Variants in RPTOR observed in about 807,000 individuals in gnomAD.
RPTOR encodes regulatory associated protein of MTOR complex 1.
In RPTOR, 21 loss-of-function variants were observed where a neutral mutation model predicts 169.9. The observed-to-expected ratio is 0.12, with a 90% confidence interval of 0.09 to 0.18. The LOEUF (loss-of-function observed/expected upper bound fraction) is 0.18, where lower values mean the gene tolerates loss of function less well. Among genes scored for constraint, RPTOR ranks in the 10% least tolerant of loss-of-function variants. The pLI, the probability that RPTOR is intolerant of heterozygous loss-of-function variation, is 1.00. For synonymous variants in RPTOR, 732 were observed against 753.2 expected (o/e 0.97, Z 0.46); for missense variants, 1,133 against 1,855.9 (o/e 0.61, Z 7.16).
intron 7 of RPTOR, among the ~76,000 whole-genome samples, chr17:80,815,677 G>A (rs1232979376): frequency 2.0e-5 from 3 of 152,252 alleles, no homozygotes; most frequent in African/African-American, 7.2e-5. Flanking sequence ...TAGCTACACA[G>A]AAAATTAACA....
chr17:80,778,793 G>C (rs2066913344), intron 6 of RPTOR, among the ~76,000 whole-genome samples: 1 of 152,192 alleles, frequency 6.6e-6, no homozygotes, highest in South Asian at 2.1e-4. Flanking sequence ...AGTGGGGCAA[G>C]ACCTGGTCTC....
Position 80,721,798 on chromosome 17 carries a change from A to G in RPTOR, c.508-8762A>G, listed in dbSNP as rs2066289204. On this transcript the variant is annotated intron_variant, in intron 4 of 33. Transcript: ENST00000306801. The surrounding 1 kb of genome is among the most constrained non-coding windows in gnomAD (Gnocchi z 4.7). Reference sequence around the variant, plus strand: ...TATTAATAGGCTTAAGATAGCCAGAAGGACATTTCTGCTAGAAAGTTATTG... The same window carrying G: ...TATTAATAGGCTTAAGATAGCCAGAGGGACATTTCTGCTAGAAAGTTATTG... Among the ~76,000 whole-genome samples, 2 of 151,336 alleles carry G rather than the reference A, an allele frequency of 1.3e-5. No individual in the cohort carries two copies. Among genetic ancestry groups the G allele is most frequent in the African/African-American group, 4.9e-5 (2 of 40,600 alleles).
intron 1 of RPTOR, among the ~76,000 whole-genome samples, chr17:80,607,199 A>T (rs1294816600): frequency 6.6e-6 from 1 of 152,052 alleles, no homozygotes; most frequent in Non-Finnish European, 1.5e-5. Flanking sequence ...TCAGCCTCCT[A>T]AAGTGCTGGG....
intron 1 of RPTOR, among the ~76,000 whole-genome samples, chr17:80,620,387 A>C (rs1020002178): frequency 2.6e-5 from 4 of 152,218 alleles, no homozygotes; most frequent in African/African-American, 9.6e-5. Flanking sequence ...AACATTAATC[A>C]AGAGTTTTTG....
At chr17:80,856,353 A>G (rs988079568) in intron 12 of RPTOR, among the ~76,000 whole-genome samples, 27 of 152,356 alleles carry the variant, frequency 1.8e-4, no homozygotes, top group African/African-American at 5.5e-4. Context: ...ATGAAATCAC[A>G]TGACATATGA....
At chr17:80,808,125 T>G (rs1302679274) in intron 7 of RPTOR, among the ~76,000 whole-genome samples, 1 of 136,992 alleles carries the variant, frequency 7.3e-6, no homozygotes, top group Non-Finnish European at 1.6e-5. Flanking sequence ...TAAGACCCTA[T>G]CTCTACCAAA....
At chr17:80,715,601 T>C (rs2066233020) in intron 4 of RPTOR, among the ~76,000 whole-genome samples, 1 of 150,954 alleles carries the variant, frequency 6.6e-6, no homozygotes, top group South Asian at 2.1e-4. Flanking sequence ...TTTTTTTCAA[T>C]TTTTTATTTT....
At chr17:80,743,592 A>T (rs1445069084) in intron 5 of RPTOR, among the ~76,000 whole-genome samples, 1 of 152,070 alleles carries the variant, frequency 6.6e-6, no homozygotes, top group Non-Finnish European at 1.5e-5. Flanking sequence ...CAAATCATAA[A>T]GCCAAGTAGT....
intron 28 of RPTOR, among the ~76,000 whole-genome samples, chr17:80,950,211 C>T (rs2069156577): frequency 6.6e-6 from 1 of 152,236 alleles, no homozygotes; most frequent in Non-Finnish European, 1.5e-5. Flanking sequence ...CATCGCTCTT[C>T]AGCGGATCCT....
chr17:80,740,417 T>A (rs1334916245), intron 5 of RPTOR, among the ~76,000 whole-genome samples: 1 of 152,154 alleles, frequency 6.6e-6, no homozygotes, highest in Non-Finnish European at 1.5e-5. Flanking sequence ...TTCAACTCAT[T>A]TTATGAGGCC....
intron 20 of RPTOR, among the ~76,000 whole-genome samples, chr17:80,900,885 A>G (rs1471597886): frequency 1.3e-5 from 2 of 152,226 alleles, no homozygotes; most frequent in African/African-American, 4.8e-5. Flanking sequence ...TCACCATGGC[A>G]CCATTGAGAG....
chr17:80,963,313 C>T (rs1310391663), intron 33 of RPTOR, among the ~76,000 whole-genome samples: 1 of 152,058 alleles, frequency 6.6e-6, no homozygotes, highest in Non-Finnish European at 1.5e-5. Context: ...AAAGCTCCTG[C>T]CCTCAGACCC....
chr17:80,931,813 C>T (rs1555637252), intron 24 of RPTOR, among the ~76,000 whole-genome samples: 2 of 152,142 alleles, frequency 1.3e-5, no homozygotes, highest in Admixed American at 1.3e-4. Flanking sequence ...GAGAGCCCTT[C>T]GGACCCTTCC....
At chr17:80,903,287 G>A (rs903657118) in intron 20 of RPTOR, among the ~76,000 whole-genome samples, 10 of 152,202 alleles carry the variant, frequency 6.6e-5, no homozygotes, top group South Asian at 2.1e-4. Flanking sequence ...GGGATTCTGC[G>A]GGAGAGCTGG....
rs532136229 is a variant in RPTOR at position 80,698,890 on chromosome 17, G to A, written c.349-8951G>A. On this transcript the variant is annotated intron_variant, in intron 3 of 33. Transcript: ENST00000306801. ...ATCCAATTCCTGGGGAAACCCAGGCGAGCCTGCTGGCCAGGAAGCGCCAGC... is the reference window on the plus strand; with the variant it reads ...ATCCAATTCCTGGGGAAACCCAGGCAAGCCTGCTGGCCAGGAAGCGCCAGC... 3.2e-4 allele frequency among the ~76,000 whole-genome samples: 48 copies of A among 152,320 alleles called. No homozygotes were observed. The South Asian group carries it at 8.7e-3, about 28-fold the overall frequency.
In RPTOR at chr17:80,708,484, C is replaced by G. The variant is rs180754969; in HGVS notation, c.507+485C>G. Among the ~76,000 whole-genome samples, 1 of 152,346 alleles carries G rather than the reference C, an allele frequency of 6.6e-6. No individual in the cohort carries two copies. The highest frequency in any genetic ancestry group is 1.9e-4 in the East Asian group (1 of 5,182). On this transcript the variant is annotated intron_variant, in intron 4 of 33. Coordinates refer to ENST00000306801, the MANE Select transcript of RPTOR (RefSeq NM_020761.3). This position sits in a 1 kb window ranked among gnomAD's most constrained non-coding sequence, Gnocchi z 4.2. ...TCACCAGCCTTTTGCAATTCCGTTG[C>G]CCAGGACCAGATGAAGTGCTTGCTC...
rs533590560 is a variant in RPTOR, at chr17:80,833,728, G to C, written c.1137-4194G>C. Among the ~76,000 whole-genome samples, 7 of 152,334 alleles carry C rather than the reference G, an allele frequency of 4.6e-5. No homozygotes were observed. In the South Asian group the frequency reaches 1.5e-3, roughly 32 times the overall value. ...GTGCAGGCCGGGTGCAATGGCTCAC[G>C]CCTGTAATCCCAGCACTTTGGGAGG... On this transcript the variant is annotated intron_variant, in intron 9 of 33. Transcript: ENST00000306801.
chr17:80,585,260 A>G (rs1001521215), intron 1 of RPTOR, among the ~76,000 whole-genome samples: 2 of 148,734 alleles, frequency 1.3e-5, no homozygotes, highest in Non-Finnish European at 3.0e-5. Flanking sequence ...GTTGGAGTGC[A>G]GTGGTGCGAT....
At position 80,814,561 on chromosome 17, in the gene RPTOR, G is replaced by A. The variant is rs573636689; in HGVS notation, c.891-7640G>A. On this transcript the variant is annotated intron_variant, in intron 7 of 33. Coordinates refer to ENST00000306801, the MANE Select transcript of RPTOR (RefSeq NM_020761.3). ...GAGTTTGTCCTATTTCTTGGAAACC[G>A]TAGTTTTTCATTTAACATTTTGTTT... 1.1e-4 allele frequency among the ~76,000 whole-genome samples: 17 copies of A among 152,228 alleles called. No individual in the cohort carries two copies. In the South Asian group the frequency reaches 2.7e-3, roughly 24 times the overall value.
Sources: gnomAD v4.1 joint callset for allele counts (sites outside exome capture counted in the v4.1 genomes callset) on GRCh38, gnomAD v4.1.1 for gene constraint, Gnocchi (gnomAD v3.1) non-coding constraint, MANE v1.5 for transcripts, NCBI Gene and HGNC (gene_info 2026-07-23, HGNC 2026-07-21) for gene names.